KIAA0040: variants seen among roughly 807,000 people sequenced by gnomAD.
KIAA0040 encodes uncharacterized protein KIAA0040.
KIAA0040 carries 10 observed loss-of-function variants against 7.2 expected under a neutral mutation model. That is an observed-to-expected ratio of 1.38 (90% CI 0.85 to 2.34). The LOEUF is 2.34. Ranked by LOEUF, KIAA0040 falls within the 30% of genes most tolerant of loss-of-function variation. KIAA0040 has a pLI of 0.00. For synonymous variants in KIAA0040, 49 were observed against 40.1 expected (o/e 1.22, Z -0.84); for missense variants, 89 against 108.2 (o/e 0.82, Z 0.79).
At chr1:175,161,708 T>G (rs1293170890) in intron 3 of KIAA0040, among the ~76,000 whole-genome samples, 1 of 152,164 alleles carries the variant, frequency 6.6e-6, no homozygotes, top group Non-Finnish European at 1.5e-5. Context: ...TCCTGCCCCA[T>G]GCCTGCTTTC....
intron 2 of KIAA0040, among the ~76,000 whole-genome samples, chr1:175,169,785 C>A (rs967577997): frequency 1.3e-5 from 2 of 152,154 alleles, no homozygotes; most frequent in Non-Finnish European, 2.9e-5. Context: ...ACACTTCCTT[C>A]CCCTCTCTGC....
intron 1 of KIAA0040, among the ~76,000 whole-genome samples, chr1:175,190,166 T>C (rs756566950): frequency 6.6e-6 from 1 of 152,240 alleles, no homozygotes; most frequent in South Asian, 2.1e-4. Context: ...GGAGTGATAA[T>C]TAAATGCATC....
At chr1:175,170,406 G>A (rs1012701383) in intron 2 of KIAA0040, among the ~76,000 whole-genome samples, 2 of 151,974 alleles carry the variant, frequency 1.3e-5, no homozygotes, top group East Asian at 1.9e-4. Flanking sequence ...TGAATGTAAC[G>A]CGCACTCCCT....
rs191958281 is a variant in KIAA0040 at position 175,174,580 on chromosome 1, T to C, written c.-310+3031A>G. ...GTGGAAGAACACTGAGCAGGGAAAA[T>C]TGCAATCTCAATGCAAAGTAGTGGT... On this transcript the variant is annotated intron_variant, in intron 2 of 3. Coordinates refer to ENST00000423313, the MANE Select transcript of KIAA0040 (RefSeq NM_014656.3). Among the ~76,000 whole-genome samples the C allele has an allele frequency of 2.0e-4, 31 of 152,206 alleles. No individual in the cohort carries two copies. In the East Asian group the frequency reaches 5.6e-3, roughly 27 times the overall value.
At chr1:175,176,022 A>C (rs1025186762) in intron 2 of KIAA0040, among the ~76,000 whole-genome samples, 1 of 152,376 alleles carries the variant, frequency 6.6e-6, no homozygotes, top group South Asian at 2.1e-4. Context: ...CTTAAAGTAT[A>C]ATAAAAAATA....
chr1:175,190,525 C>T (rs1443475347), intron 1 of KIAA0040, among the ~76,000 whole-genome samples: 1 of 152,198 alleles, frequency 6.6e-6, no homozygotes, highest in Non-Finnish European at 1.5e-5. Context: ...CCTTCTCTAG[C>T]TTACATGATT....
Position 175,175,096 on chromosome 1 carries a change from G to A in KIAA0040, c.-310+2515C>T, listed in dbSNP as rs144926071. Among the ~76,000 whole-genome samples, 578 of 152,304 alleles carry A rather than the reference G, an allele frequency of 3.8e-3. 3 individuals carry two copies. Among genetic ancestry groups the A allele is most frequent in the African/African-American group, 0.013 (527 of 41,564 alleles). On this transcript the variant is annotated intron_variant, in intron 2 of 3. Coordinates refer to ENST00000423313, the MANE Select transcript of KIAA0040 (RefSeq NM_014656.3). Reference sequence around the variant, plus strand: ...GTTCCACAAATAAAGGGAAACCTCTGCTTCTGGCCGACTCCAATAACTGAT... The same window carrying A: ...GTTCCACAAATAAAGGGAAACCTCTACTTCTGGCCGACTCCAATAACTGAT...
chr1:175,177,426 A>T (rs758124707), intron 2 of KIAA0040, among the ~76,000 whole-genome samples, 185 bp downstream of exon 2: 2 of 152,188 alleles, frequency 1.3e-5, no homozygotes, highest in Non-Finnish European at 2.9e-5. Context: ...AGTGCCTAAT[A>T]GGGGTAGGCA....
chr1:175,189,011 T>A lies in KIAA0040; in HGVS notation c.-384+3629A>T, dbSNP rs1217343661. Among the ~76,000 whole-genome samples the A allele has an allele frequency of 2.6e-5, 4 of 152,314 alleles. No homozygotes were observed. The East Asian group carries it at 7.7e-4, about 29-fold the overall frequency. On this transcript the variant is annotated intron_variant, in intron 1 of 3. Coordinates refer to ENST00000423313, the MANE Select transcript of KIAA0040 (RefSeq NM_014656.3). ...CTGGTCCCTCCATTAACCAGCTCTG[T>A]GACTGGGCCCACACTTCCCCTCCCT...
rs1176075796 is a variant in KIAA0040, at chr1:175,160,779, C to T, written c.235G>A (p.Asp79Asn). Reference protein sequence around the residue: ...KKKKKKKDEEDLWISAQPKLL... With the variant: ...KKKKKKKDEENLWISAQPKLL... ...TTGGGTTGAGCAGAGATCCAGAGGT[C>T]TTCTTCATCCTTCTTCTTCTTCTTC... The change falls in exon 4 of 4, where the codon GAC (aspartate) becomes AAC (asparagine). Residue 79 changes from aspartate to asparagine, a missense_variant. Transcript: ENST00000423313. 2 of 1,538,494 alleles carry T rather than the reference C, an allele frequency of 1.3e-6. No individual in the cohort carries two copies. The highest frequency in any genetic ancestry group is 1.8e-6 in the Non-Finnish European group (2 of 1,142,290).
At chr1:175,181,459 C>A (rs562946684) in intron 1 of KIAA0040, among the ~76,000 whole-genome samples, 2 of 152,230 alleles carry the variant, frequency 1.3e-5, no homozygotes, top group Non-Finnish European at 2.9e-5. Flanking sequence ...CTACTATGTG[C>A]ATGAAGAACT....
Position 175,157,825 on chromosome 1 carries a change from C to T in KIAA0040, c.*2889G>A, listed in dbSNP as rs140205052. 2.6e-5 allele frequency: 4 copies of T among 152,386 alleles called. No individual in the cohort carries two copies. The East Asian group carries it at 7.7e-4, about 30-fold the overall frequency. 9.4% of individuals were successfully genotyped at this position (152,386 alleles called of 1,614,324 possible). A position where few individuals can be genotyped will look rare whatever the true frequency, so the allele number is the denominator to read the frequency against. ...GGCCTAGGGGATGTCTTTCTCGAGC[C>T]TGTGCTGGTCTAGGAAGCCTCTTCT... On this transcript the variant is annotated 3_prime_UTR_variant, in exon 4 of 4. Transcript: ENST00000423313.
chr1:175,162,962 C>T (rs1676606905), intron 3 of KIAA0040, among the ~76,000 whole-genome samples: 2 of 152,216 alleles, frequency 1.3e-5, no homozygotes, highest in South Asian at 4.1e-4. Context: ...CTTTTCTAGG[C>T]ACTCTATTAA....
At chr1:175,162,693 T>C (rs1355696411) in intron 3 of KIAA0040, among the ~76,000 whole-genome samples, 1 of 152,116 alleles carries the variant, frequency 6.6e-6, no homozygotes, top group Non-Finnish European at 1.5e-5. Context: ...TCCTCAGAAG[T>C]CTAATTCCTT....
Position 175,161,968 on chromosome 1 carries a change from G to T in KIAA0040, c.-133-822C>A. On this transcript the variant is annotated intron_variant, in intron 3 of 3. Coordinates refer to ENST00000423313, the MANE Select transcript of KIAA0040 (RefSeq NM_014656.3). ...TATGGGAGAGGAGTCCTTGCAGGCTGCTTAGTGATGGTGCTTGGAAACCAG... is the reference window on the plus strand; with the variant it reads ...TATGGGAGAGGAGTCCTTGCAGGCTTCTTAGTGATGGTGCTTGGAAACCAG... 1.3e-5 allele frequency among the ~76,000 whole-genome samples: 2 copies of T among 152,152 alleles called. 1 individual carries two copies. The highest frequency in any genetic ancestry group is 4.8e-5 in the African/African-American group (2 of 41,434).
intron 1 of KIAA0040, among the ~76,000 whole-genome samples, chr1:175,187,082 G>C (rs1677686580): frequency 1.3e-5 from 2 of 152,340 alleles, no homozygotes; most frequent in Non-Finnish European, 2.9e-5. Flanking sequence ...GGGTTTCATA[G>C]ATAAGCTAAG....
chr1:175,175,351 G>A (rs1406527997), intron 2 of KIAA0040, among the ~76,000 whole-genome samples: 1 of 151,220 alleles, frequency 6.6e-6, no homozygotes, highest in African/African-American at 2.4e-5. Flanking sequence ...AGTTAGAATG[G>A]CAATCATTAA....
chr1:175,172,061 G>T (rs1188307061), intron 2 of KIAA0040, among the ~76,000 whole-genome samples: 1 of 152,182 alleles, frequency 6.6e-6, no homozygotes, highest in African/African-American at 2.4e-5. Flanking sequence ...GGAATCTCCA[G>T]TTCCTTTATT....
Position 175,181,919 on chromosome 1 carries a change from A to T in KIAA0040, c.-383-4235T>A, listed in dbSNP as rs554592171. On this transcript the variant is annotated intron_variant, in intron 1 of 3. Coordinates refer to ENST00000423313, the MANE Select transcript of KIAA0040 (RefSeq NM_014656.3). ...TCCAACTCAGCTCTAGAGGCCTCCA[A>T]CCTCCCGATGTTAAGGCTTCAACAC... Among the ~76,000 whole-genome samples the T allele has an allele frequency of 5.3e-5, 8 of 152,224 alleles. No homozygotes were observed. The South Asian group carries it at 1.7e-3, about 32-fold the overall frequency.
Sources: allele counts gnomAD v4.1 joint callset (sites outside exome capture counted in the v4.1 genomes callset), GRCh38; gene constraint gnomAD v4.1.1; transcripts MANE v1.5; gene names NCBI Gene and HGNC (gene_info 2026-07-23, HGNC 2026-07-21).